The following PCDH7 variants were observed in gnomAD, a reference collection of about 807,000 sequenced individuals.
PCDH7 encodes protocadherin-7.
A neutral mutation model predicts 58.9 loss-of-function variants in PCDH7; 17 were observed. The observed-to-expected ratio is 0.29, with a 90% CI of 0.20 to 0.43. PCDH7 has a LOEUF of 0.43. PCDH7 is among the 20% of genes least tolerant of loss of function. The pLI, the probability that PCDH7 is intolerant of heterozygous loss-of-function variation, is 1.00. For synonymous variants in PCDH7, 664 were observed against 616.4 expected (o/e 1.08, Z -1.14); for missense variants, 1,274 against 1,441.0 (o/e 0.88, Z 1.88).
chr4:30,805,344 A>G (rs931495504), intron 1 of PCDH7, among the ~76,000 whole-genome samples: 2 of 152,206 alleles, frequency 1.3e-5, no homozygotes, highest in Non-Finnish European at 2.9e-5. Context: ...CTTGTAACCT[A>G]TTAGCTGGCT....
At chr4:31,095,594 A>G (rs1396609188) in intron 3 of PCDH7, among the ~76,000 whole-genome samples, 1 of 152,190 alleles carries the variant, frequency 6.6e-6, no homozygotes, top group Admixed American at 6.6e-5. Context: ...ATAGATATTT[A>G]TTCAAAAATT....
intron 3 of PCDH7, among the ~76,000 whole-genome samples, chr4:31,037,464 T>G (rs997572698): frequency 6.6e-6 from 1 of 152,208 alleles, no homozygotes; most frequent in African/African-American, 2.4e-5. Flanking sequence ...CTACACTGTG[T>G]TCATACTTCT....
At chr4:31,111,084 T>C (rs941167400) in intron 3 of PCDH7, among the ~76,000 whole-genome samples, 3 of 152,110 alleles carry the variant, frequency 2.0e-5, no homozygotes, top group Admixed American at 6.5e-5. Context: ...TGAAGAATAC[T>C]GTGATTGAGG....
chr4:30,755,173 C>T (rs1719120817), intron 1 of PCDH7, among the ~76,000 whole-genome samples: 2 of 152,130 alleles, frequency 1.3e-5, no homozygotes, highest in Admixed American at 1.3e-4. Flanking sequence ...CATATGCGTG[C>T]CATCCTATAA....
chr4:31,078,785 G>A (rs1759227959), intron 3 of PCDH7, among the ~76,000 whole-genome samples: 1 of 151,736 alleles, frequency 6.6e-6, no homozygotes, highest in Non-Finnish European at 1.5e-5. Context: ...TTGGTGATAG[G>A]AAGAGCTTTC....
At chr4:31,141,915 C>T (rs1720303550) in intron 3 of PCDH7, among the ~76,000 whole-genome samples, 1 of 152,102 alleles carries the variant, frequency 6.6e-6, no homozygotes, top group African/African-American at 2.4e-5. Context: ...TTAGTTTTTA[C>T]CACATAATGT....
intron 3 of PCDH7, among the ~76,000 whole-genome samples, chr4:31,019,803 C>T (rs1753892367): frequency 6.6e-6 from 1 of 151,924 alleles, no homozygotes; most frequent in South Asian, 2.1e-4. Flanking sequence ...CATGCACACA[C>T]ACCCACAGGT....
intron 1 of PCDH7, among the ~76,000 whole-genome samples, chr4:30,780,127 G>A (rs1345953067): frequency 1.3e-5 from 2 of 152,168 alleles, no homozygotes; most frequent in African/African-American, 4.8e-5. Flanking sequence ...CCATTCTAAT[G>A]TTTTACTTAT....
chr4:30,851,349 T>C (rs1238822369), intron 1 of PCDH7, among the ~76,000 whole-genome samples: 1 of 151,986 alleles, frequency 6.6e-6, no homozygotes, highest in Non-Finnish European at 1.5e-5. Context: ...AATTATAAGT[T>C]AAGTGCTAGA....
At position 30,722,008 on chromosome 4, in the gene PCDH7, C is replaced by T. The variant is rs1220736260; in HGVS notation, c.586C>T (p.Arg196Trp). ...AGGCGGCGGCAGCGGCGGCGAGAGC[C>T]GGCGCGCCGGGGCGGCCGACAGCGC... is the stretch of plus-strand genomic sequence containing the variant. The change falls in exon 1 of 2, where the codon CGG becomes TGG. Residue 196 changes from arginine to tryptophan, a missense_variant. Coordinates refer to ENST00000361762, the Ensembl canonical transcript of PCDH7. The surrounding 1 kb of genome is among the most constrained non-coding windows in gnomAD (Gnocchi z 7.6). 4 of 1,268,360 alleles carry T rather than the reference C, an allele frequency of 3.2e-6. No individual in the cohort carries two copies. The African/African-American group carries it at 4.7e-5, about 15-fold the overall frequency. 78.6% of individuals were successfully genotyped at this position (1,268,360 alleles called of 1,614,324 possible).
At chr4:31,126,792 T>C (rs144158039) in intron 3 of PCDH7, among the ~76,000 whole-genome samples, 442 of 152,290 alleles carry the variant, frequency 2.9e-3, no homozygotes, top group Non-Finnish European at 4.6e-3. Flanking sequence ...AAGTGTGCCA[T>C]TTAAAGGAAA....
chr4:30,916,977 C>G (rs1438873201), intron 1 of PCDH7, among the ~76,000 whole-genome samples: 2 of 152,136 alleles, frequency 1.3e-5, no homozygotes, highest in Non-Finnish European at 2.9e-5. Context: ...AGAATTATCA[C>G]GTAAGCTATT....
chr4:30,886,513 A>C (rs892233084), intron 1 of PCDH7, among the ~76,000 whole-genome samples: 1 of 145,506 alleles, frequency 6.9e-6, no homozygotes, highest in Non-Finnish European at 1.5e-5. Flanking sequence ...GAACCCTTTT[A>C]CACTGTTGGT....
chr4:31,069,050 T>C (rs1205735698), intron 3 of PCDH7, among the ~76,000 whole-genome samples: 2 of 152,056 alleles, frequency 1.3e-5, no homozygotes, highest in Non-Finnish European at 1.5e-5. Context: ...TCTGTGTGTG[T>C]GCGTGTGTGT....
chr4:31,050,940 G>T (rs1054391122), intron 3 of PCDH7, among the ~76,000 whole-genome samples: 10 of 152,074 alleles, frequency 6.6e-5, no homozygotes, highest in Admixed American at 5.9e-4. Flanking sequence ...GCTTCACATT[G>T]TCTATCCTCT....
intron 1 of PCDH7, among the ~76,000 whole-genome samples, chr4:30,899,661 G>A (rs73812668): frequency 0.041 from 6,302 of 152,156 alleles, 436 homozygotes; most frequent in African/African-American, 0.14. Context: ...TTTGAAATCA[G>A]TCTTAATTTT....
intron 3 of PCDH7, among the ~76,000 whole-genome samples, chr4:31,068,036 T>C (rs1758233676): frequency 6.6e-6 from 1 of 152,030 alleles, no homozygotes; most frequent in Non-Finnish European, 1.5e-5. Context: ...TATAGTTTAA[T>C]GCAGTCCATA....
intron 3 of PCDH7, among the ~76,000 whole-genome samples, chr4:31,057,625 G>A (rs1243437162): frequency 6.6e-6 from 1 of 152,012 alleles, no homozygotes; most frequent in African/African-American, 2.4e-5. Context: ...ATCAAGCTTA[G>A]GTATATCCCT....
chr4:30,818,183 C>T (rs1034202870), intron 1 of PCDH7, among the ~76,000 whole-genome samples: 1 of 152,168 alleles, frequency 6.6e-6, no homozygotes, highest in Non-Finnish European at 1.5e-5. Flanking sequence ...TGAAATTGCA[C>T]CTTCCTTCTA....
Sources: allele counts gnomAD v4.1 joint callset (sites outside exome capture counted in the v4.1 genomes callset), GRCh38; gene constraint gnomAD v4.1.1; non-coding constraint Gnocchi (gnomAD v3.1); transcripts MANE v1.5; gene names NCBI Gene and HGNC (gene_info 2026-07-23, HGNC 2026-07-21).